Variants in STKLD1 observed in about 807,000 individuals in gnomAD.
STKLD1 encodes the protein serine/threonine kinase-like domain-containing protein STKLD1.
In STKLD1, 79 loss-of-function variants were observed where a neutral mutation model predicts 80.4. That is an observed-to-expected ratio of 0.98 (90% CI 0.82 to 1.19). STKLD1 has a LOEUF of 1.19. Ranked by LOEUF, STKLD1 falls within the 50% of genes most tolerant of loss-of-function variation. The probability of loss-of-function intolerance (pLI) is 0.00; values close to 1 mark genes in which losing one functional copy is unlikely to be tolerated. For missense variants in STKLD1, 841 were observed against 856.0 expected (o/e 0.98, Z 0.22); for synonymous variants, 393 against 357.6 (o/e 1.10, Z -1.12).
intron 7 of STKLD1, among the ~76,000 whole-genome samples, chr9:133,391,176 G>A (rs1387543732): frequency 2.0e-5 from 3 of 150,742 alleles, no homozygotes; most frequent in Admixed American, 1.3e-4. Flanking sequence ...CGCCCCGTCC[G>A]GGAGGGAGGT....
chr9:133,395,717 C>G lies in STKLD1; in HGVS notation c.820C>G (p.Leu274Val). ...IPDVETFRNLLPLMLQIDPSD... is the reference protein window; with the variant it reads ...IPDVETFRNLVPLMLQIDPSD... Reference sequence around the variant, plus strand: ...GGATGTGGAAACCTTCAGGAATCTTCTGCCCTTGATGCTCCAGATCGACCC... The same window carrying G: ...GGATGTGGAAACCTTCAGGAATCTTGTGCCCTTGATGCTCCAGATCGACCC... Residue 274 changes from leucine (L) to valine (V), a missense_variant, in exon 9 of 18, where the codon CTG becomes GTG. Transcript: ENST00000371957. 6.2e-7 allele frequency: 1 copy of G among 1,613,572 alleles called. No individual in the cohort carries two copies. The highest frequency in any genetic ancestry group is 1.1e-5 in the South Asian group (1 of 91,088).
intron 1 of STKLD1, among the ~76,000 whole-genome samples, chr9:133,376,832 C>G (rs2130251722): frequency 1.3e-5 from 2 of 152,312 alleles, no homozygotes; most frequent in South Asian, 2.1e-4. Flanking sequence ...TCCTTCGTGC[C>G]TGGGGTCTGT....
rs138721622 is a variant in STKLD1 at position 133,401,836 on chromosome 9, C to G, written c.1297C>G (p.Leu433Val). The change falls in exon 13 of 18, where the codon CTT (leucine) becomes GTT (valine). Residue 433 changes from leucine to valine, a missense_variant. Leu to Val is a conservative substitution (Grantham distance 32). Transcript: ENST00000371957. Reference protein sequence around the residue: ...LQSHPEEEPLLVMVYSLLAIT... With the variant: ...LQSHPEEEPLVVMVYSLLAIT... ...GAGCCACCCCGAGGAGGAGCCACTT[C>G]TTGTCATGGTCTACAGCCTGCTAGC... The G allele has an allele frequency of 7.1e-5, 115 of 1,613,702 alleles. 1 individual carries two copies. The African/African-American group carries it at 1.5e-3, about 21-fold the overall frequency.
At position 133,405,400 on chromosome 9, in the gene STKLD1, C is replaced by A. The variant is rs373103197; in HGVS notation, c.2022C>A (p.Thr674=). Residue 674 remains threonine, a synonymous_variant, in exon 18 of 18, where the codon ACC becomes ACA. Transcript: ENST00000371957. ...GTGGAAGCCCCCAGCTGGGGTGCAC[C>A]ACGTCTGGGGGACTGGAATAGATGT... is the stretch of plus-strand genomic sequence containing the variant. ...PPGGSPQLGC[T]TSGGLE 1.2e-5 allele frequency: 20 copies of A among 1,610,010 alleles called. No homozygotes were observed. Among genetic ancestry groups the A allele is most frequent in the Non-Finnish European group, 1.5e-5 (18 of 1,179,702 alleles).
At position 133,405,832 on chromosome 9, in the gene STKLD1, T is replaced by G. The variant is rs1052119070; in HGVS notation, c.*411T>G. ...TCCTTTCCATGGGCCACTGTTTCCC[T>G]TGGGGTGGGGGGAAGGGTCATCCAG... On this transcript the variant is annotated 3_prime_UTR_variant, in exon 18 of 18. Transcript: ENST00000371957. The G allele has an allele frequency of 6.2e-6, 1 of 160,054 alleles. No individual in the cohort carries two copies. The highest frequency in any genetic ancestry group is 1.8e-4 in the East Asian group (1 of 5,434). 9.9% of individuals were successfully genotyped at this position (160,054 alleles called of 1,614,324 possible). A position where few individuals can be genotyped will look rare whatever the true frequency, so the allele number is the denominator to read the frequency against.
At chr9:133,377,357 C>G (rs112292658) in intron 1 of STKLD1, among the ~76,000 whole-genome samples, 8 of 152,318 alleles carry the variant, frequency 5.3e-5, no homozygotes, top group African/African-American at 1.7e-4. Flanking sequence ...GCCCTCAGCC[C>G]GCTGTGGCTT....
At chr9:133,387,914 G>T in intron 5 of STKLD1, 1 of 468,566 alleles carries the variant, frequency 2.1e-6, no homozygotes, top group South Asian at 1.6e-5. Flanking sequence ...TGTGAGCCCC[G>T]CGGTGCTGCT....
chr9:133,394,226 C>T lies in STKLD1; in HGVS notation c.584-65C>T, dbSNP rs1311347920. 6 of 1,110,692 alleles carry T rather than the reference C, an allele frequency of 5.4e-6. No homozygotes were observed. The highest frequency in any genetic ancestry group is 8.3e-6 in the Non-Finnish European group (6 of 722,152). The allele number at this position is 1,110,692 out of a possible 1,614,324, so 68.8% of individuals were successfully genotyped here. ...GGGGATACAGTGCTGGGCAGGGTGA[C>T]TCTGTCAAGCCCCTGCCCCCAGGGA... On this transcript the variant is annotated intron_variant, in intron 7 of 17. Transcript: ENST00000371957. The surrounding 1 kb of genome is among the most constrained non-coding windows in gnomAD (Gnocchi z 4.9).
chr9:133,403,723 T>A lies in STKLD1; in HGVS notation c.1498T>A (p.Leu500Met). The change falls in exon 15 of 18, where the codon TTG becomes ATG. Residue 500 changes from leucine (L) to methionine (M), a missense_variant. Leu to Met is a conservative substitution (Grantham distance 15). Coordinates refer to ENST00000371957, the MANE Select transcript of STKLD1 (RefSeq NM_153710.5). Reference sequence around the variant, plus strand: ...AGGTATCATTGTGAACAAGGCCCCCTTGGAGAAGGTCCCGGACCTCATCAG... The same window carrying A: ...AGGTATCATTGTGAACAAGGCCCCCATGGAGAAGGTCCCGGACCTCATCAG... ...LDGIIVNKAP[L>M]EKVPDLISQV... 1 of 1,613,704 alleles carries A rather than the reference T, an allele frequency of 6.2e-7. No individual in the cohort carries two copies. Among genetic ancestry groups the A allele is most frequent in the Non-Finnish European group, 8.5e-7 (1 of 1,179,880 alleles).
chr9:133,394,196 C>T lies in STKLD1; in HGVS notation c.584-95C>T, dbSNP rs925164211. On this transcript the variant is annotated intron_variant, in intron 7 of 17. Coordinates refer to ENST00000371957, the MANE Select transcript of STKLD1 (RefSeq NM_153710.5). The surrounding 1 kb of genome is among the most constrained non-coding windows in gnomAD (Gnocchi z 4.9). ...GTTTCAAGCTGCTTGCGGGGGGCCA[C>T]CAAAGGGGATACAGTGCTGGGCAGG... 1.3e-5 allele frequency: 11 copies of T among 829,044 alleles called. No individual in the cohort carries two copies. The highest frequency in any genetic ancestry group is 4.2e-5 in the South Asian group (3 of 71,260). 51.4% of individuals were successfully genotyped at this position (829,044 alleles called of 1,614,324 possible).
chr9:133,395,836 C>A, intron 9 of STKLD1, 73 bp downstream of exon 9: 1 of 1,485,324 alleles, frequency 6.7e-7, no homozygotes. Context: ...AATACAAGCA[C>A]AGCTAGTTGG....
intron 11 of STKLD1, among the ~76,000 whole-genome samples, chr9:133,398,915 C>T (rs951714361): frequency 6.6e-6 from 1 of 152,068 alleles, no homozygotes; most frequent in African/African-American, 2.4e-5. Context: ...TGCAGTGGTG[C>T]GATCTTGGCT....
At chr9:133,403,044 G>A (rs765823902) in intron 14 of STKLD1, 32 bp downstream of exon 14, 7 of 1,538,400 alleles carry the variant, frequency 4.6e-6, no homozygotes, top group East Asian at 4.9e-5. Flanking sequence ...GTCCCACCGG[G>A]GCTGGCAGCC....
rs1270982686 is a variant in STKLD1 at position 133,390,579 on chromosome 9, G to C, written c.468-102G>C. The C allele has an allele frequency of 1.3e-6, 1 of 793,106 alleles. No homozygotes were observed. Among genetic ancestry groups the C allele is most frequent in the East Asian group, 2.5e-5 (1 of 39,960 alleles). 49.1% of individuals were successfully genotyped at this position (793,106 alleles called of 1,614,324 possible). ...AGAACCAGGTGGGGCAGGGAGCAGAGAGTCAGGCTCAGCACACACACTGGT... is the reference window on the plus strand; with the variant it reads ...AGAACCAGGTGGGGCAGGGAGCAGACAGTCAGGCTCAGCACACACACTGGT... On this transcript the variant is annotated intron_variant, in intron 6 of 17. Coordinates refer to ENST00000371957, the MANE Select transcript of STKLD1 (RefSeq NM_153710.5). This position sits in a 1 kb window ranked among gnomAD's most constrained non-coding sequence, Gnocchi z 5.1.
At chr9:133,378,235 C>T (rs1838048646) in intron 1 of STKLD1, among the ~76,000 whole-genome samples, 1 of 152,224 alleles carries the variant, frequency 6.6e-6, no homozygotes, top group Non-Finnish European at 1.5e-5. Flanking sequence ...GGATTACAGA[C>T]TCCTAAGACT....
chr9:133,390,686 T>A lies in STKLD1; in HGVS notation c.473T>A (p.Leu158His), dbSNP rs2130287013. 6.2e-7 allele frequency: 1 copy of A among 1,613,292 alleles called. No individual in the cohort carries two copies. The highest frequency in any genetic ancestry group is 1.1e-5 in the South Asian group (1 of 91,012). The change falls in exon 7 of 18, where the codon CTC becomes CAC. Residue 158 changes from leucine (L) to histidine (H), a missense_variant. Physicochemically the swap from Leu to His is moderately conservative, Grantham distance 99 (BLOSUM62 -3). Transcript: ENST00000371957. This position sits in a 1 kb window ranked among gnomAD's most constrained non-coding sequence, Gnocchi z 5.1. ...AACCCACCTCTTGGTTTCAGGAATC[T>A]CAAACCCTCCAACATCATCCTCATC... The part of the protein sequence containing the change: ...LHHLDIIHRN[L>H]KPSNIILISS...
At chr9:133,401,654 T>TC in intron 12 of STKLD1, 84 bp from the exon 13 acceptor site, 1 of 1,471,370 alleles carries the variant, frequency 6.8e-7, no homozygotes, top group Admixed American at 2.2e-5. Flanking sequence ...GGAGATGCTA[T>TC]CCCCCAGCCT....
chr9:133,388,803 T>C, intron 5 of STKLD1: 1 of 985,438 alleles, frequency 1.0e-6, no homozygotes, highest in South Asian at 4.7e-5. Context: ...CATGTACCCC[T>C]GAGGGGCTCT....
intron 2 of STKLD1, among the ~76,000 whole-genome samples, chr9:133,382,862 T>C (rs1431247499): frequency 2.1e-5 from 3 of 143,502 alleles, no homozygotes; most frequent in East Asian, 2.2e-4. Context: ...ATGATGGTGG[T>C]GGTGTGATGG....
Sources: allele counts gnomAD v4.1 joint callset (sites outside exome capture counted in the v4.1 genomes callset), GRCh38; gene constraint gnomAD v4.1.1; non-coding constraint Gnocchi (gnomAD v3.1); transcripts MANE v1.5; gene names NCBI Gene and HGNC (gene_info 2026-07-23, HGNC 2026-07-21).